Variants in BAIAP2 observed in about 807,000 individuals in gnomAD.
BAIAP2 encodes the protein BAR/IMD domain-containing adapter protein 2.
Under a neutral mutation model 63.0 loss-of-function variants are expected in BAIAP2, and 18 were observed. That is an observed-to-expected ratio of 0.29 (90% CI 0.20 to 0.42). The LOEUF (loss-of-function observed/expected upper bound fraction) is 0.42, where lower values mean the gene tolerates loss of function less well. Among genes scored for constraint, BAIAP2 ranks in the 10% least tolerant of loss-of-function variants. BAIAP2 has a pLI of 1.00. For synonymous variants in BAIAP2, 386 were observed against 307.6 expected (o/e 1.25, Z -2.67); for missense variants, 610 against 734.3 (o/e 0.83, Z 1.96).
At position 81,037,051 on chromosome 17, in the gene BAIAP2, A is replaced by G. The variant is rs986389434; in HGVS notation, c.54+1743A>G. 1.6e-4 allele frequency: 167 copies of G among 1,077,184 alleles called. No individual in the cohort carries two copies. In the African/African-American group the frequency reaches 2.4e-3, roughly 16 times the overall value. The allele number at this position is 1,077,184 out of a possible 1,614,324, so 66.7% of individuals were successfully genotyped here. On this transcript the variant is annotated intron_variant, in intron 1 of 13. Coordinates refer to ENST00000428708, the MANE Select transcript of BAIAP2 (RefSeq NM_001144888.2). ...CTAACCGGGCAGTAGGCCTTCACCTAGGTGAAGCTGTAATTTATCTGCAGG... is the reference window on the plus strand; with the variant it reads ...CTAACCGGGCAGTAGGCCTTCACCTGGGTGAAGCTGTAATTTATCTGCAGG...
chr17:81,069,843 A>G (rs867205939), intron 3 of BAIAP2, among the ~76,000 whole-genome samples: 4 of 152,150 alleles, frequency 2.6e-5, no homozygotes, highest in Non-Finnish European at 5.9e-5. Flanking sequence ...CCTTGGGAGG[A>G]TGCTGTGCCG....
intron 6 of BAIAP2, among the ~76,000 whole-genome samples, chr17:81,093,493 C>T (rs543656391): frequency 2.0e-5 from 3 of 152,166 alleles, no homozygotes; most frequent in African/African-American, 7.2e-5. Context: ...GTGCAGCCCT[C>T]GCTGGCCGGT....
chr17:81,084,151 C>T (rs183305303), intron 3 of BAIAP2, among the ~76,000 whole-genome samples: 104 of 152,298 alleles, frequency 6.8e-4, no homozygotes, highest in South Asian at 6.2e-4. Context: ...AAGCGCTGCC[C>T]GTGTGTCCCC....
intron 6 of BAIAP2, among the ~76,000 whole-genome samples, chr17:81,088,984 C>G (rs933051390): frequency 6.6e-6 from 1 of 152,262 alleles, no homozygotes; most frequent in Non-Finnish European, 1.5e-5. Context: ...CCCTGGTTTT[C>G]AGGTGCCCTG....
intron 9 of BAIAP2, 128 bp downstream of exon 9, chr17:81,104,236 C>T (rs1271125684): frequency 4.7e-6 from 5 of 1,062,306 alleles, no homozygotes; most frequent in East Asian, 2.6e-5. Flanking sequence ...CCGTGTGTAC[C>T]TACATGCATG....
At chr17:81,112,157 C>CG (rs1000105451) in intron 13 of BAIAP2, among the ~76,000 whole-genome samples, 55 of 148,602 alleles carry the variant, frequency 3.7e-4, no homozygotes, top group Admixed American at 6.6e-5. Context: ...GGCCTCCAGA[C>CG]CCCCCCACTC....
chr17:81,095,411 C>T (rs1160738625), intron 6 of BAIAP2, among the ~76,000 whole-genome samples: 1 of 152,176 alleles, frequency 6.6e-6, no homozygotes, highest in East Asian at 1.9e-4. Flanking sequence ...CCTCCCCGTC[C>T]CCGCACCGGC....
In BAIAP2 at chr17:81,103,723, G is replaced by A; in HGVS notation, c.864G>A (p.Gly288=). 1 of 1,594,560 alleles carries A rather than the reference G, an allele frequency of 6.3e-7. No individual in the cohort carries two copies. The highest frequency in any genetic ancestry group is 8.5e-7 in the Non-Finnish European group (1 of 1,173,276). Residue 288 remains glycine (G), a splice_region_variant and synonymous_variant, in exon 8 of 14, where the codon GGG becomes GGA. Coordinates refer to ENST00000428708, the MANE Select transcript of BAIAP2 (RefSeq NM_001144888.2). ...PVPPELAPFV[G]RMSAQESTPI... ...CCCCCGAGCTGGCACCGTTCGTGGG[G>A]GTGAGTCTGTGGCCTCTGGAAAGCT...
intron 13 of BAIAP2, chr17:81,109,948 C>T: frequency 1.0e-6 from 1 of 985,420 alleles, no homozygotes; most frequent in Non-Finnish European, 1.2e-6. Context: ...ACGCCCCCCA[C>T]CTGGGGGAAA....
intron 3 of BAIAP2, among the ~76,000 whole-genome samples, chr17:81,074,759 T>C (rs1417493772): frequency 6.6e-6 from 1 of 152,062 alleles, no homozygotes; most frequent in Non-Finnish European, 1.5e-5. Context: ...CCTGTGTGTG[T>C]GCACGGATGC....
intron 12 of BAIAP2, chr17:81,107,985 TCCTCCCAGGCAGTGTCAC>T (rs2059385896): frequency 5.9e-6 from 1 of 168,874 alleles, no homozygotes; most frequent in African/African-American, 2.4e-5. Context: ...ACCTGGGCGC[TCCTCCCAGGCAGTGTCAC>T]CCTCCCAGGG....
chr17:81,061,954 T>G lies in BAIAP2; in HGVS notation c.217+3987T>G, dbSNP rs184729512. On this transcript the variant is annotated intron_variant, in intron 3 of 13. Transcript: ENST00000428708. ...TCCTTTTTGTAATAGTGGTTTTAGT[T>G]TTTTTTGAGACCGAATCTCACTCTG... Among the ~76,000 whole-genome samples, 22 of 152,324 alleles carry G rather than the reference T, an allele frequency of 1.4e-4. No homozygotes were observed. In the East Asian group the frequency reaches 3.9e-3, roughly 27 times the overall value.
intron 13 of BAIAP2, chr17:81,109,800 C>T: frequency 2.0e-6 from 2 of 985,428 alleles, no homozygotes; most frequent in Non-Finnish European, 2.4e-6. Context: ...CAAAGACCTC[C>T]AGAGACCACC....
At chr17:81,073,170 C>G (rs1460348503) in intron 3 of BAIAP2, among the ~76,000 whole-genome samples, 1 of 152,144 alleles carries the variant, frequency 6.6e-6, no homozygotes, top group Non-Finnish European at 1.5e-5. Context: ...CCTCCCCATG[C>G]CAGGGCTCAG....
intron 1 of BAIAP2, among the ~76,000 whole-genome samples, chr17:81,040,619 A>G (rs888168479): frequency 1.3e-5 from 2 of 152,236 alleles, no homozygotes; most frequent in Non-Finnish European, 2.9e-5. Flanking sequence ...GAATGAACAC[A>G]TCTTGTTTCT....
chr17:81,109,145 G>C, intron 13 of BAIAP2: 1 of 1,443,862 alleles, frequency 6.9e-7, no homozygotes, highest in Non-Finnish European at 9.1e-7. Flanking sequence ...GGTGACCCCA[G>C]ACTCTGTGAT....
At chr17:81,045,461 C>T (rs2047672451) in intron 1 of BAIAP2, among the ~76,000 whole-genome samples, 3 of 152,170 alleles carry the variant, frequency 2.0e-5, no homozygotes, top group South Asian at 4.1e-4. Context: ...TCCCAGGAGC[C>T]TGGCGGGTAG....
At chr17:81,049,225 C>T (rs2048295563) in intron 1 of BAIAP2, among the ~76,000 whole-genome samples, 1 of 152,166 alleles carries the variant, frequency 6.6e-6, no homozygotes, top group South Asian at 2.1e-4. Flanking sequence ...TCTGTCCTGG[C>T]AGGGGGGCAT....
intron 3 of BAIAP2, among the ~76,000 whole-genome samples, chr17:81,064,764 C>A (rs944626323): frequency 1.3e-5 from 2 of 152,320 alleles, no homozygotes; most frequent in East Asian, 3.9e-4. Context: ...GCTTTGTGGC[C>A]TGCAGACCTC....
Sources: gnomAD v4.1 joint callset for allele counts (sites outside exome capture counted in the v4.1 genomes callset) on GRCh38, gnomAD v4.1.1 for gene constraint, MANE v1.5 for transcripts, NCBI Gene and HGNC (gene_info 2026-07-23, HGNC 2026-07-21) for gene names.